ZNF385B: variants seen among roughly 807,000 people sequenced by gnomAD.
ZNF385B encodes the protein zinc finger protein 533.
A neutral mutation model predicts 39.2 loss-of-function variants in ZNF385B; 23 were observed. The observed-to-expected ratio is 0.59, with a 90% CI of 0.42 to 0.83. The LOEUF is 0.83. Ranked by LOEUF, ZNF385B falls within the 40% of genes least tolerant of loss-of-function variation. ZNF385B has a pLI of 0.00. For synonymous variants in ZNF385B, 205 were observed against 222.6 expected, an observed-to-expected ratio of 0.92 and a Z score of 0.70; for missense variants, 552 against 598.9, an observed-to-expected ratio of 0.92 and a Z score of 0.82.
At chr2:179,658,512 G>A (rs1235475539) in intron 3 of ZNF385B, among the ~76,000 whole-genome samples, 1 of 152,144 alleles carries the variant, frequency 6.6e-6, no homozygotes, top group East Asian at 1.9e-4. Flanking sequence ...GCAGTCTTGA[G>A]GAGCCACGAT....
chr2:179,689,416 G>T (rs747409592), intron 3 of ZNF385B, among the ~76,000 whole-genome samples: 3 of 152,308 alleles, frequency 2.0e-5, no homozygotes, highest in Middle Eastern at 3.4e-3. Flanking sequence ...ACTCAGTCCA[G>T]TATTGGGCTA....
intron 3 of ZNF385B, among the ~76,000 whole-genome samples, chr2:179,713,142 A>G (rs1700112067): frequency 6.6e-6 from 1 of 152,234 alleles, no homozygotes. Context: ...ATGTTCAGTA[A>G]GTTAGGTGTA....
At chr2:179,460,159 G>A (rs2051168271) in intron 6 of ZNF385B, among the ~76,000 whole-genome samples, 1 of 151,992 alleles carries the variant, frequency 6.6e-6, no homozygotes, top group African/African-American at 2.4e-5. Flanking sequence ...AGTAGTAAGT[G>A]CACTAAGAAG....
chr2:179,473,097 G>A (rs1476178445), intron 6 of ZNF385B, among the ~76,000 whole-genome samples: 1 of 152,070 alleles, frequency 6.6e-6, no homozygotes, highest in Non-Finnish European at 1.5e-5. Context: ...GGGCTGCAGG[G>A]GACATAACAG....
chr2:179,470,843 T>A (rs13392266), intron 6 of ZNF385B, among the ~76,000 whole-genome samples: 11,964 of 151,974 alleles, frequency 0.079, 694 homozygotes, highest in African/African-American at 0.15. Flanking sequence ...GCTGGTCAGT[T>A]ACAAACTTTG....
intron 3 of ZNF385B, among the ~76,000 whole-genome samples, chr2:179,688,126 G>A (rs1698067008): frequency 6.6e-6 from 1 of 152,030 alleles, no homozygotes; most frequent in African/African-American, 2.4e-5. Context: ...AGTTCTCCAG[G>A]ACTTCTGTGG....
At chr2:179,848,313 G>A (rs974807132) in intron 1 of ZNF385B, among the ~76,000 whole-genome samples, 5 of 152,102 alleles carry the variant, frequency 3.3e-5, no homozygotes, top group African/African-American at 1.2e-4. Flanking sequence ...ATCATATCTT[G>A]TAAACCGATC....
Position 179,644,628 on chromosome 2 carries a change from C to G in ZNF385B, c.299-99659G>C, listed in dbSNP as rs184123032. 2.5e-3 allele frequency among the ~76,000 whole-genome samples: 388 copies of G among 152,230 alleles called. 3 individuals are homozygous for G. The highest frequency in any genetic ancestry group is 8.3e-3 in the African/African-American group (345 of 41,540). On this transcript the variant is annotated intron_variant, in intron 3 of 9. Coordinates refer to ENST00000410066, the MANE Select transcript of ZNF385B (RefSeq NM_152520.6). Reference sequence around the variant, plus strand: ...GTTCAAATCAAGTTGCCAACTTTTCCAAAGATAATTTTGGCAACTTTTTAT... The same window carrying G: ...GTTCAAATCAAGTTGCCAACTTTTCGAAAGATAATTTTGGCAACTTTTTAT...
intron 3 of ZNF385B, among the ~76,000 whole-genome samples, chr2:179,742,831 T>G (rs1193034300): frequency 6.6e-6 from 1 of 152,086 alleles, no homozygotes. Context: ...TGCTATTTTT[T>G]GTAACTAGTC....
At chr2:179,715,635 C>T (rs1207314131) in intron 3 of ZNF385B, among the ~76,000 whole-genome samples, 1 of 151,956 alleles carries the variant, frequency 6.6e-6, no homozygotes, top group Admixed American at 6.6e-5. Context: ...AATTTCTTTG[C>T]CCTGTGTGAT....
In ZNF385B at chr2:179,443,315, G is replaced by A. The variant is rs564495380; in HGVS notation, c.1396C>T (p.Leu466Phe). 6 of 1,612,940 alleles carry A rather than the reference G, an allele frequency of 3.7e-6. No homozygotes were observed. In the East Asian group the frequency reaches 1.3e-4, roughly 36 times the overall value. Residue 466 changes from leucine (L) to phenylalanine (F), a missense_variant, in exon 10 of 10, where the codon CTT (leucine) becomes TTT (phenylalanine). Leu to Phe is a conservative substitution (Grantham distance 22, BLOSUM62 0). Transcript: ENST00000410066. ...ATGGGCCCATGCCCAGGCCTCAGAA[G>A]AGCTGGAGGAATGGCTGGAGCCTGG... ...LFQAPAIPPA[L>F]LRPGHGPIRA...
intron 3 of ZNF385B, among the ~76,000 whole-genome samples, chr2:179,618,138 T>C (rs1689914474): frequency 6.6e-6 from 1 of 152,176 alleles, no homozygotes; most frequent in Admixed American, 6.5e-5. Context: ...ATCACTCTTA[T>C]ACTCATTAAA....
At chr2:179,504,025 C>A (rs1197530684) in intron 5 of ZNF385B, among the ~76,000 whole-genome samples, 1 of 146,500 alleles carries the variant, frequency 6.8e-6, no homozygotes, top group Non-Finnish European at 1.5e-5. Flanking sequence ...ATCCCTCCCC[C>A]CTCTCCCCAC....
intron 3 of ZNF385B, chr2:179,637,219 T>G (rs1174960103): frequency 6.6e-6 from 1 of 152,218 alleles, no homozygotes; most frequent in African/African-American, 2.4e-5. Context: ...CTACCTAGTT[T>G]TCAGCCATGA....
chr2:179,516,210 A>G (rs1162108069), intron 5 of ZNF385B, among the ~76,000 whole-genome samples: 1 of 151,958 alleles, frequency 6.6e-6, no homozygotes, highest in African/African-American at 2.4e-5. Context: ...GGTCAATTCC[A>G]GTTTTGGGCA....
chr2:179,505,502 AAAGATTTCAT>A (rs2057174469), intron 5 of ZNF385B, among the ~76,000 whole-genome samples: 1 of 152,074 alleles, frequency 6.6e-6, no homozygotes, highest in African/African-American at 2.4e-5. Context: ...CATCACATAA[AAAGATTTCAT>A]AGCTGTCCCT....
chr2:179,809,132 A>G (rs1706575886), intron 1 of ZNF385B, among the ~76,000 whole-genome samples: 1 of 152,236 alleles, frequency 6.6e-6, no homozygotes, highest in Admixed American at 6.5e-5. Context: ...AAGAAAAAAA[A>G]TCACTTAGTA....
intron 5 of ZNF385B, among the ~76,000 whole-genome samples, chr2:179,497,571 A>T (rs938921862): frequency 7.2e-5 from 11 of 152,066 alleles, no homozygotes; most frequent in Non-Finnish European, 1.2e-4. Flanking sequence ...ATACAAAAAA[A>T]TAAAAAGGAA....
At chr2:179,675,395 C>A (rs1164711339) in intron 3 of ZNF385B, among the ~76,000 whole-genome samples, 1 of 152,136 alleles carries the variant, frequency 6.6e-6, no homozygotes, top group Admixed American at 6.6e-5. Flanking sequence ...GCAGTCCTAT[C>A]CCACATTGTT....
Sources: gnomAD v4.1 joint callset for allele counts (sites outside exome capture counted in the v4.1 genomes callset) on GRCh38, gnomAD v4.1.1 for gene constraint, MANE v1.5 for transcripts, NCBI Gene and HGNC (gene_info 2026-07-23, HGNC 2026-07-21) for gene names.